Variants in RCAN1 observed in about 807,000 individuals in gnomAD.
RCAN1 encodes calcipressin-1.
Under a neutral mutation model 22.9 loss-of-function variants are expected in RCAN1, and 11 were observed. The observed-to-expected ratio is 0.48, with a 90% confidence interval of 0.30 to 0.79. RCAN1 has a LOEUF of 0.79. Ranked by LOEUF, RCAN1 falls within the 30% of genes least tolerant of loss-of-function variation. The pLI is 0.06. For missense variants in RCAN1, 291 were observed against 337.8 expected (o/e 0.86, Z 1.09); for synonymous variants, 136 against 142.3 (o/e 0.96, Z 0.32).
intron 1 of RCAN1, among the ~76,000 whole-genome samples, chr21:34,552,301 A>G (rs949689969): frequency 3.9e-5 from 6 of 152,226 alleles, no homozygotes; most frequent in African/African-American, 1.4e-4. Context: ...CTCAAGGAGA[A>G]TTTTCATTTT....
intron 1 of RCAN1, among the ~76,000 whole-genome samples, chr21:34,605,745 C>T (rs111929163): frequency 0.056 from 8,468 of 152,006 alleles, 334 homozygotes; most frequent in Non-Finnish European, 0.079. Flanking sequence ...CATGGTGAAA[C>T]CCTGTCTCTA....
rs908904752 is a variant in RCAN1, at chr21:34,545,414, A to G, written c.253-21704T>C. Among the ~76,000 whole-genome samples the G allele has an allele frequency of 2.6e-4, 39 of 152,234 alleles. 1 individual carries two copies. Among genetic ancestry groups the G allele is most frequent in the Admixed American group, 2.6e-3 (39 of 15,286 alleles). ...AACTAATTTCAGCCCTGACTAAGAAAGGCATCTCAGAAATGAGGAAGTGTA... is the reference window on the plus strand; with the variant it reads ...AACTAATTTCAGCCCTGACTAAGAAGGGCATCTCAGAAATGAGGAAGTGTA... On this transcript the variant is annotated intron_variant, in intron 1 of 3. Transcript: ENST00000313806.
At chr21:34,579,225 T>A (rs189313081) in intron 1 of RCAN1, among the ~76,000 whole-genome samples, 1 of 152,100 alleles carries the variant, frequency 6.6e-6, no homozygotes, top group African/African-American at 2.4e-5. Context: ...CAAAACCTAG[T>A]TTCTACCAAA....
rs1988772083 is a variant in RCAN1 at position 34,614,740 on chromosome 21, C to CCGCCCGGCGCGGTCCT, written c.252+4_252+19dup. 1 of 1,411,168 alleles carries CCGCCCGGCGCGGTCCT rather than the reference C, an allele frequency of 7.1e-7. No individual in the cohort carries two copies. The highest frequency in any genetic ancestry group is 1.5e-5 in the African/African-American group (1 of 66,292). 87.4% of individuals were successfully genotyped at this position (1,411,168 alleles called of 1,614,324 possible). On this transcript the variant is annotated intron_variant, in intron 1 of 3. Transcript: ENST00000313806. This position sits in a 1 kb window ranked among gnomAD's most constrained non-coding sequence, Gnocchi z 6.0. ...AGTGTCCGCCCTCCGCCCCGACGGCCCGCCCGGCGCGGTCCTCACCCGGCA... is the reference window on the plus strand; with the variant it reads ...AGTGTCCGCCCTCCGCCCCGACGGCCCGCCCGGCGCGGTCCTCGCCCGGCGCGGTCCTCACCCGGCA...
At chr21:34,566,411 T>A (rs1987009049) in intron 1 of RCAN1, among the ~76,000 whole-genome samples, 1 of 152,162 alleles carries the variant, frequency 6.6e-6, no homozygotes, top group African/African-American at 2.4e-5. Context: ...ATATGTTCCA[T>A]TTTCCTTCCT....
intron 1 of RCAN1, among the ~76,000 whole-genome samples, chr21:34,579,991 A>G (rs1423461142): frequency 6.6e-6 from 1 of 152,230 alleles, no homozygotes; most frequent in Non-Finnish European, 1.5e-5. Context: ...CCACAGGGAA[A>G]TTACTATCCG....
chr21:34,581,712 G>A (rs1408714970), intron 1 of RCAN1, among the ~76,000 whole-genome samples: 2 of 152,098 alleles, frequency 1.3e-5, no homozygotes, highest in African/African-American at 4.8e-5. Flanking sequence ...ACACTATCAG[G>A]GCACTTTGCA....
rs145860582 is a variant in RCAN1 at position 34,590,298 on chromosome 21, G to C, written c.252+24462C>G. ...CTAATAAACTAAAAAAATAGTATCT[G>C]TCTCTCCCATGAAAATGTGCACTCC... On this transcript the variant is annotated intron_variant, in intron 1 of 3. Coordinates refer to ENST00000313806, the MANE Select transcript of RCAN1 (RefSeq NM_004414.7). Among the ~76,000 whole-genome samples the C allele has an allele frequency of 2.9e-3, 444 of 152,302 alleles. 4 individuals are homozygous for C. Among genetic ancestry groups the C allele is most frequent in the African/African-American group, 0.01 (421 of 41,560 alleles).
intron 1 of RCAN1, among the ~76,000 whole-genome samples, chr21:34,581,021 G>A (rs1987587932): frequency 6.6e-6 from 1 of 152,186 alleles, no homozygotes; most frequent in African/African-American, 2.4e-5. Context: ...AGCACTAGGA[G>A]AACCACCCAG....
intron 1 of RCAN1, among the ~76,000 whole-genome samples, chr21:34,531,033 A>G (rs896416503): frequency 2.6e-5 from 4 of 152,134 alleles, no homozygotes; most frequent in Non-Finnish European, 5.9e-5. Context: ...CATCTTTACC[A>G]CTTTGTGGTC....
intron 1 of RCAN1, among the ~76,000 whole-genome samples, chr21:34,609,707 G>A (rs966810950): frequency 2.0e-5 from 3 of 152,106 alleles, no homozygotes; most frequent in African/African-American, 7.2e-5. Context: ...TACTGCTATG[G>A]AAGAAAAAAT....
intron 1 of RCAN1, among the ~76,000 whole-genome samples, chr21:34,578,313 G>A (rs77421878): frequency 0.035 from 5,353 of 152,206 alleles, 254 homozygotes; most frequent in South Asian, 0.11. Flanking sequence ...AATGAGTTCC[G>A]TGAATAGACA....
rs576014933 is a variant in RCAN1, at chr21:34,518,010, G to A, written c.*74C>T. 4.4e-4 allele frequency: 689 copies of A among 1,568,426 alleles called. 13 individuals are homozygous for A. The South Asian group carries it at 7.3e-3, about 17-fold the overall frequency. On this transcript the variant is annotated 3_prime_UTR_variant, in exon 4 of 4. Coordinates refer to ENST00000313806, the MANE Select transcript of RCAN1 (RefSeq NM_004414.7). The surrounding 1 kb of genome is among the most constrained non-coding windows in gnomAD (Gnocchi z 4.2). The stretch of plus-strand genomic sequence containing the variant: ...CTCGGCTGCCACCTCCGAAGAAGTC[G>A]TGACCAGCCACCTCCACAGTAAAAG...
At chr21:34,552,321 C>T (rs917086182) in intron 1 of RCAN1, among the ~76,000 whole-genome samples, 4 of 152,120 alleles carry the variant, frequency 2.6e-5, no homozygotes, top group African/African-American at 4.8e-5. Context: ...TAACAAGATC[C>T]GAAGTGACTC....
intron 1 of RCAN1, among the ~76,000 whole-genome samples, chr21:34,538,359 G>A (rs7275710): frequency 1.6e-4 from 25 of 151,904 alleles, no homozygotes; most frequent in Admixed American, 2.6e-4. Context: ...TTTAAGAAAC[G>A]CTCCCTGTTG....
rs1351123035 is a variant in RCAN1 at position 34,518,767 on chromosome 21, G to A, written c.587-511C>T. ...CAGGGGTGGCTGCACGGAGCCAGGTGCTCTGGAAACGTTTTTGACCTGGGC... is the reference window on the plus strand; with the variant it reads ...CAGGGGTGGCTGCACGGAGCCAGGTACTCTGGAAACGTTTTTGACCTGGGC... On this transcript the variant is annotated intron_variant, in intron 3 of 3. Transcript: ENST00000313806. The surrounding 1 kb of genome is among the most constrained non-coding windows in gnomAD (Gnocchi z 4.2). 6.6e-6 allele frequency among the ~76,000 whole-genome samples: 1 copy of A among 152,232 alleles called. No homozygotes were observed. The highest frequency in any genetic ancestry group is 2.1e-4 in the South Asian group (1 of 4,836).
chr21:34,565,471 A>G (rs1986966714), intron 1 of RCAN1, among the ~76,000 whole-genome samples: 1 of 152,146 alleles, frequency 6.6e-6, no homozygotes, highest in Non-Finnish European at 1.5e-5. Flanking sequence ...CGTGCCCTCA[A>G]ATGGGGGCTA....
intron 1 of RCAN1, among the ~76,000 whole-genome samples, chr21:34,556,430 A>AATAATAATAATC (rs1986577310): frequency 5.8e-4 from 1 of 1,738 alleles, no homozygotes. Context: ...TGTCTCAAAA[A>AATAATAATAATC]ATAATAATAA....
chr21:34,580,956 G>A (rs1484131847), intron 1 of RCAN1, among the ~76,000 whole-genome samples: 2 of 152,124 alleles, frequency 1.3e-5, no homozygotes, highest in Admixed American at 6.5e-5. Context: ...GAAAAGGAGG[G>A]GTGAGAAGGA....
Sources: allele counts gnomAD v4.1 joint callset (sites outside exome capture counted in the v4.1 genomes callset), GRCh38; gene constraint gnomAD v4.1.1; non-coding constraint Gnocchi (gnomAD v3.1); transcripts MANE v1.5; gene names NCBI Gene and HGNC (gene_info 2026-07-23, HGNC 2026-07-21).